WDTC1: variants seen among roughly 807,000 people sequenced by gnomAD.
The protein encoded by WDTC1 is WD and tetratricopeptide repeats 1.
A neutral mutation model predicts 76.0 loss-of-function variants in WDTC1; 12 were observed. The observed-to-expected ratio is 0.16, with a 90% CI of 0.10 to 0.26. The LOEUF is 0.26. Among genes scored for constraint, WDTC1 ranks in the 10% least tolerant of loss-of-function variants. The probability of loss-of-function intolerance (pLI) is 1.00; values close to 1 mark genes in which losing one functional copy is unlikely to be tolerated. For missense variants in WDTC1, 511 were observed against 908.8 expected (o/e 0.56, Z 5.63); for synonymous variants, 326 against 350.8 (o/e 0.93, Z 0.79).
In WDTC1 at chr1:27,305,124, C is replaced by T. The variant is rs2013922820; in HGVS notation, c.1767C>T (p.His589=). ...DESIVNCLQP[H]PSYCFLATSG... ...CCATTGTCAACTGCCTGCAGCCACA[C>T]CCCAGCTACTGCTTCCTGGCCACCA... The change falls in exon 15 of 16, where the codon CAC becomes CAT. Residue 589 remains histidine (H), a synonymous_variant. Coordinates refer to ENST00000319394, the MANE Select transcript of WDTC1 (RefSeq NM_001276252.2). This position sits in a 1 kb window ranked among gnomAD's most constrained non-coding sequence, Gnocchi z 4.6. The T allele has an allele frequency of 6.2e-7, 1 of 1,614,028 alleles. No homozygotes were observed. The highest frequency in any genetic ancestry group is 1.7e-5 in the Admixed American group (1 of 60,002).
At chr1:27,254,688 A>G (rs2012216319) in intron 1 of WDTC1, among the ~76,000 whole-genome samples, 1 of 152,086 alleles carries the variant, frequency 6.6e-6, no homozygotes, top group Non-Finnish European at 1.5e-5. Flanking sequence ...GGTGGAATGC[A>G]GTGGCGCAAT....
intron 6 of WDTC1, among the ~76,000 whole-genome samples, chr1:27,289,199 G>A (rs1396606019): frequency 6.6e-6 from 1 of 151,536 alleles, no homozygotes; most frequent in Non-Finnish European, 1.5e-5. Flanking sequence ...CGGCTGGCCG[G>A]GCAGAGGGGC....
chr1:27,247,690 G>A (rs1412304179), intron 1 of WDTC1, among the ~76,000 whole-genome samples: 1 of 150,522 alleles, frequency 6.6e-6, no homozygotes, highest in Non-Finnish European at 1.5e-5. Context: ...ATTCCATGGT[G>A]TACATGTACC....
At chr1:27,281,082 C>G (rs1252580326) in intron 3 of WDTC1, among the ~76,000 whole-genome samples, 3 of 151,938 alleles carry the variant, frequency 2.0e-5, no homozygotes, top group Non-Finnish European at 4.4e-5. Flanking sequence ...TTGAATTAAG[C>G]TCTGGAAGAT....
chr1:27,305,220 G>A lies in WDTC1; in HGVS notation c.1836+27G>A, dbSNP rs2013925416. On this transcript the variant is annotated intron_variant, in intron 15 of 15. Coordinates refer to ENST00000319394, the MANE Select transcript of WDTC1 (RefSeq NM_001276252.2). The surrounding 1 kb of genome is among the most constrained non-coding windows in gnomAD (Gnocchi z 4.6). ...TGAGGGTGCAGAGCCAAGCAGAGAG[G>A]AGGGCAGGGACTCTGTGGAAGGCTC... is the stretch of plus-strand genomic sequence containing the variant. 1 of 1,607,318 alleles carries A rather than the reference G, an allele frequency of 6.2e-7. No individual in the cohort carries two copies. Among genetic ancestry groups the A allele is most frequent in the African/African-American group, 1.3e-5 (1 of 74,942 alleles).
intron 3 of WDTC1, among the ~76,000 whole-genome samples, chr1:27,267,424 G>T (rs1329309185): frequency 6.6e-6 from 1 of 151,822 alleles, no homozygotes; most frequent in Non-Finnish European, 1.5e-5. Flanking sequence ...TTTTTTATTT[G>T]CTAGAGATGG....
chr1:27,247,540 C>A (rs192743393), intron 1 of WDTC1, among the ~76,000 whole-genome samples: 47 of 152,220 alleles, frequency 3.1e-4, no homozygotes, highest in Admixed American at 3.1e-3. Context: ...CATGAAGTCT[C>A]ATCATTTAGC....
intron 3 of WDTC1, among the ~76,000 whole-genome samples, chr1:27,269,606 G>GTTTTTTTTTTTTTTGTTTTTTTTT (rs56885576): frequency 5.0e-5 from 6 of 119,450 alleles, no homozygotes; most frequent in East Asian, 2.7e-4. Flanking sequence ...TTTGTTTTTT[G>GTTTTTTTTTTTTTTGTTTTTTTTT]TTTTTTTTTT....
intron 1 of WDTC1, among the ~76,000 whole-genome samples, chr1:27,251,402 TC>T (rs562566067): frequency 1.1e-4 from 16 of 152,242 alleles, no homozygotes; most frequent in African/African-American, 3.1e-4. Context: ...GTGTCTTGTG[TC>T]TTCTTCTGTG....
chr1:27,296,220 C>A, intron 9 of WDTC1, 106 bp from the exon 10 acceptor site: 5 of 1,303,292 alleles, frequency 3.8e-6, no homozygotes, highest in Non-Finnish European at 5.5e-6. Context: ...TCAACACTCA[C>A]TGTGTTCCAA....
At chr1:27,265,138 G>A (rs1209989171) in intron 3 of WDTC1, among the ~76,000 whole-genome samples, 1 of 152,096 alleles carries the variant, frequency 6.6e-6, no homozygotes, top group Non-Finnish European at 1.5e-5. Flanking sequence ...AGTACTTGTT[G>A]AGTTTTGGCA....
At chr1:27,247,145 C>T (rs2011867732) in intron 1 of WDTC1, among the ~76,000 whole-genome samples, 1 of 151,896 alleles carries the variant, frequency 6.6e-6, no homozygotes, top group African/African-American at 2.4e-5. Context: ...CAACCTCTGC[C>T]TCCTGGGTTT....
intron 11 of WDTC1, among the ~76,000 whole-genome samples, chr1:27,297,613 G>A (rs551621464): frequency 1.3e-5 from 2 of 152,288 alleles, no homozygotes; most frequent in South Asian, 4.1e-4. Flanking sequence ...GGAGGGACTC[G>A]GGTGGTCATA....
At position 27,303,618 on chromosome 1, in the gene WDTC1, C is replaced by T; in HGVS notation, c.1469-3C>T. ...CTTACCTTTTCTGGATCTCTGCCCC[C>T]AGAGGAGAAGAAGGGACCTGGTGGC... On this transcript the variant is annotated splice_polypyrimidine_tract_variant and splice_region_variant and intron_variant, in intron 13 of 15. Coordinates refer to ENST00000319394, the MANE Select transcript of WDTC1 (RefSeq NM_001276252.2). This position sits in a 1 kb window ranked among gnomAD's most constrained non-coding sequence, Gnocchi z 4.8. 1.9e-6 allele frequency: 3 copies of T among 1,588,914 alleles called. No homozygotes were observed. Among genetic ancestry groups the T allele is most frequent in the South Asian group, 1.1e-5 (1 of 87,524 alleles).
chr1:27,275,070 C>T (rs1479061021), intron 3 of WDTC1, among the ~76,000 whole-genome samples: 1 of 152,182 alleles, frequency 6.6e-6, no homozygotes, highest in Non-Finnish European at 1.5e-5. Flanking sequence ...ATAGATAGTT[C>T]CTGGCTTGGT....
In WDTC1 at chr1:27,308,070, C is replaced by G. The variant is rs1299061689; in HGVS notation, c.*1687C>G. ...TGCCATTTCCTCCCTGCCTCCCACCCTCCCTCCCTGCCCCCTGTCCTGCTT... is the reference window on the plus strand; with the variant it reads ...TGCCATTTCCTCCCTGCCTCCCACCGTCCCTCCCTGCCCCCTGTCCTGCTT... On this transcript the variant is annotated 3_prime_UTR_variant, in exon 16 of 16. Coordinates refer to ENST00000319394, the MANE Select transcript of WDTC1 (RefSeq NM_001276252.2). 1.3e-5 allele frequency: 2 copies of G among 152,640 alleles called. No individual in the cohort carries two copies. Among genetic ancestry groups the G allele is most frequent in the Non-Finnish European group, 2.9e-5 (2 of 68,386 alleles). The allele number at this position is 152,640 out of a possible 1,614,324, so 9.5% of individuals were successfully genotyped here.
At chr1:27,283,068 G>A in intron 4 of WDTC1, among the ~76,000 whole-genome samples, 1 of 151,660 alleles carries the variant, frequency 6.6e-6, no homozygotes, top group South Asian at 2.1e-4. Flanking sequence ...AACCTGGGAG[G>A]CGGAGCTTGC....
chr1:27,303,889 A>G lies in WDTC1; in HGVS notation c.1643+94A>G. The G allele has an allele frequency of 6.6e-7, 1 of 1,525,274 alleles. No individual in the cohort carries two copies. The highest frequency in any genetic ancestry group is 9.0e-7 in the Non-Finnish European group (1 of 1,117,236). The allele number at this position is 1,525,274 out of a possible 1,614,324, so 94.5% of individuals were successfully genotyped here. ...ATAATGGTTTCAGAGAAGAATCTCA[A>G]ATCCCTGCTCTGCCTCTGTACCCTT... On this transcript the variant is annotated intron_variant, in intron 14 of 15. Transcript: ENST00000319394. This position sits in a 1 kb window ranked among gnomAD's most constrained non-coding sequence, Gnocchi z 4.8.
intron 1 of WDTC1, among the ~76,000 whole-genome samples, chr1:27,251,033 ATTTTTTTTT>A (rs71584875): frequency 1.7e-4 from 5 of 28,686 alleles, no homozygotes; most frequent in Admixed American, 5.8e-4. Context: ...CTCCTGGCTA[ATTTTTTTTT>A]TTTTTTTTTT....
Sources: gnomAD v4.1 joint callset for allele counts (sites outside exome capture counted in the v4.1 genomes callset) on GRCh38, gnomAD v4.1.1 for gene constraint, Gnocchi (gnomAD v3.1) non-coding constraint, MANE v1.5 for transcripts, NCBI Gene and HGNC (gene_info 2026-07-23, HGNC 2026-07-21) for gene names.